CCDC191: variants seen among roughly 807,000 people sequenced by gnomAD.
CCDC191 encodes the protein coiled-coil domain containing 191, also known as coiled-coil domain-containing protein 191.
Under a neutral mutation model 114.0 loss-of-function variants are expected in CCDC191, and 99 were observed. The ratio of observed to expected loss-of-function variants is 0.87; its 90% CI spans 0.74 to 1.03. The LOEUF is 1.03. CCDC191 is among the 50% of genes least tolerant of loss of function. CCDC191 has a pLI of 0.00. For synonymous variants in CCDC191, 351 were observed against 376.0 expected (o/e 0.93, Z 0.77); for missense variants, 973 against 1,087.0 (o/e 0.90, Z 1.47).
chr3:114,012,222 CGTGT>C (rs35908762), intron 8 of CCDC191, among the ~76,000 whole-genome samples: 48 of 150,614 alleles, frequency 3.2e-4, no homozygotes, highest in African/African-American at 1.0e-3. Flanking sequence ...ACTCAATATA[CGTGT>C]GTGTGTGTGT....
intron 13 of CCDC191, among the ~76,000 whole-genome samples, chr3:113,998,777 T>C (rs1229399940): frequency 1.3e-5 from 2 of 152,162 alleles, no homozygotes; most frequent in Non-Finnish European, 2.9e-5. Context: ...TATCTAGATA[T>C]GGATTTGCTT....
chr3:114,016,985 A>G (rs1241891833), intron 8 of CCDC191, among the ~76,000 whole-genome samples: 1 of 152,048 alleles, frequency 6.6e-6, no homozygotes, highest in Non-Finnish European at 1.5e-5. Context: ...GAAACAAACT[A>G]TGGGAGAGTT....
At chr3:114,036,072 A>G (rs1040170460) in intron 5 of CCDC191, among the ~76,000 whole-genome samples, 1 of 152,206 alleles carries the variant, frequency 6.6e-6, no homozygotes, top group Non-Finnish European at 1.5e-5. Context: ...GTGTTGAGAC[A>G]CCAGTCTTTT....
At chr3:114,011,761 G>C (rs897640559) in intron 8 of CCDC191, among the ~76,000 whole-genome samples, 3 of 152,184 alleles carry the variant, frequency 2.0e-5, no homozygotes, top group African/African-American at 7.2e-5. Flanking sequence ...ATATGACTGA[G>C]GGGAGGTTGG....
chr3:113,977,074 C>CACAA (rs1941417689), intron 16 of CCDC191, among the ~76,000 whole-genome samples: 1 of 152,082 alleles, frequency 6.6e-6, no homozygotes, highest in African/African-American at 2.4e-5. Flanking sequence ...AACACCCATG[C>CACAA]ACAAACATGC....
At chr3:114,033,516 G>A (rs1355848484) in intron 6 of CCDC191, among the ~76,000 whole-genome samples, 2 of 152,118 alleles carry the variant, frequency 1.3e-5, no homozygotes, top group Non-Finnish European at 2.9e-5. Context: ...TTTCTGGAAA[G>A]TTTAAATCAG....
At chr3:113,987,490 A>G (rs923140413) in intron 13 of CCDC191, among the ~76,000 whole-genome samples, 1 of 152,214 alleles carries the variant, frequency 6.6e-6, no homozygotes, top group African/African-American at 2.4e-5. Flanking sequence ...ACCAAAAGGA[A>G]TGGGAGGAAG....
chr3:113,973,596 G>GTTTTTTT (rs61420341), intron 16 of CCDC191, among the ~76,000 whole-genome samples: 1 of 145,566 alleles, frequency 6.9e-6, no homozygotes. Flanking sequence ...TGGATGGCAG[G>GTTTTTTT]TTTTTTTTTT....
At position 113,978,166 on chromosome 3, in the gene CCDC191, CCTCA is replaced by C. The variant is rs757292087; in HGVS notation, c.2606+16_2606+19del. 5 of 1,612,852 alleles carry C rather than the reference CCTCA, an allele frequency of 3.1e-6. No homozygotes were observed. The highest frequency in any genetic ancestry group is 2.2e-5 in the East Asian group (1 of 44,890). ...ATTGTGAAGTCAGAGAGTGAATTTT[CCTCA>C]CTATCAAAACCTCACCTGTCACTGT... On this transcript the variant is annotated intron_variant, in intron 16 of 16. Transcript: ENST00000295878.
Position 114,042,853 on chromosome 3 carries a change from TA to T in CCDC191, c.272-8del. The T allele has an allele frequency of 6.3e-7, 1 of 1,582,502 alleles. No individual in the cohort carries two copies. Among genetic ancestry groups the T allele is most frequent in the East Asian group, 2.3e-5 (1 of 43,644 alleles). On this transcript the variant is annotated splice_polypyrimidine_tract_variant and splice_region_variant and intron_variant, in intron 3 of 16. Transcript: ENST00000295878. ...TCATTGACCAGCTCCTGAGCTACAA[TA>T]AAACAAAAACATGTTAAGTATTTCA...
Position 113,981,151 on chromosome 3 carries a change from C to T in CCDC191, c.2164-358G>A, listed in dbSNP as rs922294673. Among the ~76,000 whole-genome samples, 10 of 152,138 alleles carry T rather than the reference C, an allele frequency of 6.6e-5. No homozygotes were observed. In the East Asian group the frequency reaches 1.9e-3, roughly 29 times the overall value. ...TATGAAAAACCCAGCCATACAGCCA[C>T]TTCATTTAAACTATGGGATAGAGAT... is the stretch of plus-strand genomic sequence containing the variant. On this transcript the variant is annotated intron_variant, in intron 13 of 16. Transcript: ENST00000295878.
rs149491244 is a variant in CCDC191, at chr3:113,970,085, C to G, written c.2607-4726G>C. 6.2e-4 allele frequency among the ~76,000 whole-genome samples: 94 copies of G among 152,078 alleles called. 1 individual carries two copies. The highest frequency in any genetic ancestry group is 2.2e-3 in the African/African-American group (91 of 41,480). On this transcript the variant is annotated intron_variant, in intron 16 of 16. Coordinates refer to ENST00000295878, the MANE Select transcript of CCDC191 (RefSeq NM_020817.2). ...TCACTTCCTTGGTTAAAGTGGTTCC[C>G]AGGTATTTTATTTTCTTTGTAGCTA...
rs571933328 is a variant in CCDC191, at chr3:113,988,599, C to G, written c.2164-7806G>C. On this transcript the variant is annotated intron_variant, in intron 13 of 16. Coordinates refer to ENST00000295878, the MANE Select transcript of CCDC191 (RefSeq NM_020817.2). Reference sequence around the variant, plus strand: ...AGAGATCACGCCACTGCACTCCAGCCTGGGCAACAAGAGTGAGACTCCATC... The same window carrying G: ...AGAGATCACGCCACTGCACTCCAGCGTGGGCAACAAGAGTGAGACTCCATC... 2.3e-5 allele frequency among the ~76,000 whole-genome samples: 3 copies of G among 132,546 alleles called. No homozygotes were observed. In the South Asian group the frequency reaches 7.1e-4, roughly 31 times the overall value. The allele number at this position is 132,546 out of a possible 152,430, so 87.0% of individuals were successfully genotyped here. A position where few individuals can be genotyped will look rare whatever the true frequency, so the allele number is the denominator to read the frequency against.
chr3:114,025,258 C>CG (rs2076303707), intron 7 of CCDC191, among the ~76,000 whole-genome samples: 3 of 141,500 alleles, frequency 2.1e-5, no homozygotes, highest in African/African-American at 8.0e-5. Context: ...TTTCAACTTA[C>CG]CAAAAAAAAA....
intron 13 of CCDC191, among the ~76,000 whole-genome samples, chr3:113,994,349 C>T (rs2075658180): frequency 6.6e-6 from 1 of 152,148 alleles, no homozygotes; most frequent in African/African-American, 2.4e-5. Context: ...TATATTACTA[C>T]ACACCTATTA....
At chr3:114,008,481 AATTAAGTACTTAACAGCATT>A (rs983275006) in intron 9 of CCDC191, among the ~76,000 whole-genome samples, 3 of 152,246 alleles carry the variant, frequency 2.0e-5, no homozygotes, top group Non-Finnish European at 4.4e-5. Context: ...CACATGTCTG[AATTAAGTACTTAACAGCATT>A]ATGTGGAGGG....
At chr3:114,021,332 G>A (rs2076240569) in intron 7 of CCDC191, among the ~76,000 whole-genome samples, 1 of 151,926 alleles carries the variant, frequency 6.6e-6, no homozygotes, top group South Asian at 2.1e-4. Flanking sequence ...TATAATTCAG[G>A]TTCACCACAC....
At chr3:114,056,329 C>A (rs1377550717) in intron 1 of CCDC191, 48 bp downstream of exon 1, 1 of 1,585,414 alleles carries the variant, frequency 6.3e-7, no homozygotes, top group Admixed American at 1.7e-5. Flanking sequence ...CTGACTGCGC[C>A]GCGCCTTGGG....
chr3:114,048,065 C>CTTCCA (rs748025537), intron 2 of CCDC191, among the ~76,000 whole-genome samples: 3 of 152,204 alleles, frequency 2.0e-5, no homozygotes, highest in Non-Finnish European at 4.4e-5. Context: ...TGCTGTGTTT[C>CTTCCA]TTCCAACTCA....
Sources: allele counts gnomAD v4.1 joint callset (sites outside exome capture counted in the v4.1 genomes callset), GRCh38; gene constraint gnomAD v4.1.1; transcripts MANE v1.5; gene names NCBI Gene and HGNC (gene_info 2026-07-23, HGNC 2026-07-21).